The following CNBD1 variants were observed in gnomAD, a reference collection of about 807,000 sequenced individuals.
CNBD1 encodes the protein cyclic nucleotide-binding domain-containing protein 1.
Under a neutral mutation model 54.4 loss-of-function variants are expected in CNBD1, and 71 were observed. The observed-to-expected ratio is 1.30, with a 90% CI of 1.08 to 1.59. The LOEUF is 1.59. Ranked by LOEUF, CNBD1 falls within the 40% of genes most tolerant of loss-of-function variation. CNBD1 has a pLI of 0.00. For synonymous variants in CNBD1, 182 were observed against 170.7 expected, an observed-to-expected ratio of 1.07 and a Z score of -0.51; for missense variants, 659 against 518.0, an observed-to-expected ratio of 1.27 and a Z score of -2.64.
At chr8:87,302,979 A>G (rs2130883911) in intron 8 of CNBD1, among the ~76,000 whole-genome samples, 1 of 151,864 alleles carries the variant, frequency 6.6e-6, no homozygotes, top group South Asian at 2.1e-4. Flanking sequence ...GCTCAAGGAA[A>G]TAAAAGAGGA....
At chr8:87,097,191 T>C (rs951683318) in intron 4 of CNBD1, among the ~76,000 whole-genome samples, 2 of 152,336 alleles carry the variant, frequency 1.3e-5, no homozygotes, top group African/African-American at 2.4e-5. Flanking sequence ...TGGTTTCCTG[T>C]TTTAATCTTG....
intron 8 of CNBD1, among the ~76,000 whole-genome samples, chr8:87,299,679 C>T (rs1457325356): frequency 6.6e-6 from 1 of 152,174 alleles, no homozygotes; most frequent in Non-Finnish European, 1.5e-5. Flanking sequence ...AAATACGAGA[C>T]AGAGTGAGTA....
intron 2 of CNBD1, among the ~76,000 whole-genome samples, chr8:87,424,644 C>A (rs1165851470): frequency 6.6e-6 from 1 of 151,350 alleles, no homozygotes; most frequent in Admixed American, 6.6e-5. Context: ...GAGAGAGACC[C>A]TACAGAAGCT....
At chr8:86,898,687 C>A (rs562279731) in intron 2 of CNBD1, among the ~76,000 whole-genome samples, 4 of 152,060 alleles carry the variant, frequency 2.6e-5, no homozygotes, top group Admixed American at 2.6e-4. Flanking sequence ...GGATCATAGA[C>A]CTAAATTTAA....
intron 3 of CNBD1, among the ~76,000 whole-genome samples, chr8:86,938,662 C>T (rs1809594497): frequency 6.6e-6 from 1 of 152,122 alleles, no homozygotes; most frequent in Non-Finnish European, 1.5e-5. Context: ...AGATCTGCCC[C>T]CATGATTCCT....
At chr8:87,109,150 T>C (rs1811605038) in intron 4 of CNBD1, among the ~76,000 whole-genome samples, 1 of 152,036 alleles carries the variant, frequency 6.6e-6, no homozygotes, top group African/African-American at 2.4e-5. Context: ...TTTTATGACA[T>C]CTCACCACCG....
chr8:87,052,769 A>G (rs918621829), intron 4 of CNBD1, among the ~76,000 whole-genome samples: 9 of 152,230 alleles, frequency 5.9e-5, no homozygotes, highest in Non-Finnish European at 1.0e-4. Flanking sequence ...TTAGAAGAAC[A>G]TAACATCTCT....
intron 8 of CNBD1, among the ~76,000 whole-genome samples, chr8:87,319,624 G>A (rs996773901): frequency 5.3e-5 from 8 of 151,870 alleles, no homozygotes; most frequent in East Asian, 1.9e-4. Flanking sequence ...GTAGCAACAG[G>A]GGAAATATAC....
chr8:86,957,384 G>A (rs1399279667), intron 4 of CNBD1, among the ~76,000 whole-genome samples: 4 of 152,114 alleles, frequency 2.6e-5, no homozygotes, highest in Admixed American at 1.3e-4. Context: ...CTATTGATTG[G>A]AAGCATTTCA....
intron 2 of CNBD1, among the ~76,000 whole-genome samples, chr8:86,901,306 G>C (rs751282248): frequency 1.5e-4 from 23 of 151,998 alleles, no homozygotes; most frequent in Non-Finnish European, 2.9e-4. Context: ...TACATGTGTA[G>C]ATGCTATGAT....
Position 87,012,905 on chromosome 8 carries a change from ACCCCAATCAC to A in CNBD1, c.431+73154_431+73163del, listed in dbSNP as rs536759530. Among the ~76,000 whole-genome samples the A allele has an allele frequency of 4.9e-4, 74 of 152,294 alleles. No individual in the cohort carries two copies. In the Middle Eastern group the frequency reaches 0.01, roughly 21 times the overall value. ...CCTAAAATACATAAAACCAAGCTGT[ACCCCAATCAC>A]CCTGGGCACATGTTCTCAGGACCTC... On this transcript the variant is annotated intron_variant, in intron 4 of 10. Coordinates refer to ENST00000518476, the MANE Select transcript of CNBD1 (RefSeq NM_173538.3).
At chr8:87,352,550 C>G (rs1313761314) in intron 9 of CNBD1, among the ~76,000 whole-genome samples, 1 of 150,672 alleles carries the variant, frequency 6.6e-6, no homozygotes, top group Non-Finnish European at 1.5e-5. Flanking sequence ...TATCCACTGA[C>G]AGTTGAATGA....
At chr8:87,228,942 G>A (rs981437017) in intron 5 of CNBD1, among the ~76,000 whole-genome samples, 11 of 152,216 alleles carry the variant, frequency 7.2e-5, no homozygotes, top group Non-Finnish European at 1.2e-4. Context: ...TAATCTCATG[G>A]TGCGCCGTTT....
intron 4 of CNBD1, among the ~76,000 whole-genome samples, chr8:86,985,120 TA>T (rs1429865064): frequency 6.6e-6 from 1 of 152,140 alleles, no homozygotes; most frequent in African/African-American, 2.4e-5. Flanking sequence ...CTGATAGTTT[TA>T]AAAAGGAGAT....
chr8:86,933,556 A>C (rs1350643747), intron 3 of CNBD1, among the ~76,000 whole-genome samples: 2 of 152,204 alleles, frequency 1.3e-5, no homozygotes, highest in African/African-American at 4.8e-5. Flanking sequence ...ATGAATACAT[A>C]TATCTTTGAT....
rs55950124 is a variant in CNBD1, at chr8:87,404,683, G to T, written c.214-23863G>T. Among the ~76,000 whole-genome samples, 604 of 152,058 alleles carry T rather than the reference G, an allele frequency of 4.0e-3. 2 individuals carry two copies. Among genetic ancestry groups the T allele is most frequent in the African/African-American group, 0.014 (572 of 41,484 alleles). On this transcript the variant is annotated intron_variant, in intron 2 of 7. Transcript: ENST00000521593. ...TGTATACATCTGTGTTTAAATTTGG[G>T]TTTAGCTGCTTGTATATTTGATTGA...
intron 5 of CNBD1, among the ~76,000 whole-genome samples, chr8:87,225,644 G>T (rs1471677588): frequency 6.6e-6 from 1 of 152,174 alleles, no homozygotes; most frequent in Non-Finnish European, 1.5e-5. Flanking sequence ...CGGTTTGCCA[G>T]TATGTTATTG....
chr8:87,225,118 G>T (rs1432195514), intron 5 of CNBD1, among the ~76,000 whole-genome samples: 1 of 150,488 alleles, frequency 6.6e-6, no homozygotes, highest in Non-Finnish European at 1.5e-5. Context: ...TGCTGAAGTT[G>T]CTTATCAGCT....
intron 6 of CNBD1, among the ~76,000 whole-genome samples, chr8:87,243,160 C>T (rs1426683176): frequency 6.6e-6 from 1 of 152,180 alleles, no homozygotes; most frequent in East Asian, 1.9e-4. Context: ...TTTATGCATA[C>T]TGCCCAGTAC....
Sources: gnomAD v4.1 joint callset for allele counts (sites outside exome capture counted in the v4.1 genomes callset) on GRCh38, gnomAD v4.1.1 for gene constraint, MANE v1.5 for transcripts, NCBI Gene and HGNC (gene_info 2026-07-23, HGNC 2026-07-21) for gene names.